LARGE1: variants seen among roughly 807,000 people sequenced by gnomAD.
LARGE1 encodes the protein LARGE xylosyl- and glucuronyltransferase 1, also known as xylosyl- and glucuronyltransferase LARGE1.
LARGE1 carries 43 observed loss-of-function variants against 87.6 expected under a neutral mutation model. The observed-to-expected ratio is 0.49, with a 90% CI of 0.38 to 0.63. The LOEUF is 0.63. LARGE1 is among the 30% of genes least tolerant of loss of function. LARGE1 has a pLI of 0.00. For synonymous variants in LARGE1, 434 were observed against 394.6 expected, an observed-to-expected ratio of 1.10 and a Z score of -1.18; for missense variants, 802 against 1,000.2, an observed-to-expected ratio of 0.80 and a Z score of 2.67.
At chr22:33,765,707 C>CAAA (rs33943950) in intron 1 of LARGE1, among the ~76,000 whole-genome samples, 8,079 of 67,970 alleles carry the variant, frequency 0.12, 776 homozygotes, top group South Asian at 0.19. Flanking sequence ...CTCCATCTCA[C>CAAA]AAAAAAAAAA....
chr22:33,902,104 G>A lies in LARGE1; in HGVS notation c.-83+17891C>T, dbSNP rs550748295. ...AGGCAGAACCTTAAAGATTAGCTCT[G>A]AGAATGAACAGAAATCATTCCAACA... On this transcript the variant is annotated intron_variant, in intron 1 of 14. Transcript: ENST00000397394. Among the ~76,000 whole-genome samples, 2 of 152,328 alleles carry A rather than the reference G, an allele frequency of 1.3e-5. 1 individual carries two copies. Among genetic ancestry groups the A allele is most frequent in the South Asian group, 4.1e-4 (2 of 4,830 alleles).
chr22:33,480,174 C>T lies in LARGE1; in HGVS notation c.788-47909G>A, dbSNP rs562996061. Among the ~76,000 whole-genome samples the T allele has an allele frequency of 1.5e-3, 233 of 152,260 alleles. 2 individuals are homozygous for T. Among genetic ancestry groups the T allele is most frequent in the African/African-American group, 5.3e-4 (22 of 41,546 alleles). ...CACAGAGAGTGAATGACAACCGAGG[C>T]GCAAGGAACAGGCACCCTGGACGGC... On this transcript the variant is annotated intron_variant, in intron 6 of 14. Coordinates refer to ENST00000397394, the MANE Select transcript of LARGE1 (RefSeq NM_133642.5).
intron 2 of LARGE1, among the ~76,000 whole-genome samples, chr22:33,719,153 G>A (rs992772825): frequency 3.3e-5 from 5 of 152,156 alleles, no homozygotes; most frequent in African/African-American, 1.2e-4. Context: ...ACAGCAAAAA[G>A]CTTACAGTGT....
At chr22:33,535,107 G>C (rs2077003338) in intron 6 of LARGE1, among the ~76,000 whole-genome samples, 1 of 152,242 alleles carries the variant, frequency 6.6e-6, no homozygotes, top group South Asian at 2.1e-4. Flanking sequence ...TCTGAGTAGA[G>C]GAGGGGCTGA....
At chr22:33,817,445 T>TCC (rs2086688255) in intron 1 of LARGE1, among the ~76,000 whole-genome samples, 1 of 150,738 alleles carries the variant, frequency 6.6e-6, no homozygotes, top group Admixed American at 6.6e-5. Context: ...TGTGTTTCTC[T>TCC]CTCTCTCTCT....
intron 11 of LARGE1, among the ~76,000 whole-genome samples, chr22:33,245,853 G>A (rs1217246764): frequency 6.6e-6 from 1 of 152,188 alleles, no homozygotes; most frequent in Non-Finnish European, 1.5e-5. Context: ...AGGTTGCAGT[G>A]AGCTGAGATT....
At chr22:33,192,906 C>G (rs571082713) in intron 11 of LARGE1, among the ~76,000 whole-genome samples, 278 of 152,276 alleles carry the variant, frequency 1.8e-3, no homozygotes, top group African/African-American at 6.4e-3. Context: ...TTTCCCAACA[C>G]CATTTATTGA....
intron 9 of LARGE1, among the ~76,000 whole-genome samples, chr22:33,355,052 T>C (rs761170349): frequency 2.6e-4 from 39 of 152,212 alleles, no homozygotes; most frequent in South Asian, 1.7e-3. Flanking sequence ...AGTAAAAATA[T>C]GTTTGCATTG....
At chr22:33,504,192 G>T (rs1231814495) in intron 6 of LARGE1, among the ~76,000 whole-genome samples, 4 of 152,308 alleles carry the variant, frequency 2.6e-5, no homozygotes, top group African/African-American at 9.6e-5. Flanking sequence ...TTTAAAGTTG[G>T]ATTGTGGTGA....
At chr22:33,254,172 G>GA (rs918213275) in intron 11 of LARGE1, among the ~76,000 whole-genome samples, 2 of 152,028 alleles carry the variant, frequency 1.3e-5, no homozygotes, top group Admixed American at 6.5e-5. Context: ...AGCTTATCAC[G>GA]AAAAAAAGAG....
chr22:33,274,591 T>C lies in LARGE1; in HGVS notation c.2107A>G (p.Met703Val). The change falls in exon 15 of 15, where the codon ATG (methionine) becomes GTG (valine). Residue 703 changes from methionine (M) to valine (V), a missense_variant. By Grantham distance (21) the Met-to-Val change is conservative. This residue lies in a region of LARGE1 where 625 missense variants were observed against 841.9 expected (regional missense o/e 0.74). Transcript: ENST00000397394. ...CTGGGGGCATGAGGCATGTGGATCA[T>C]GTAGGCGTTGGGCAGCACAATGAAC... ...YEFIVLPNAY[M>V]IHMPHAPSFD... 6.2e-7 allele frequency: 1 copy of C among 1,614,080 alleles called. No homozygotes were observed. The highest frequency in any genetic ancestry group is 8.5e-7 in the Non-Finnish European group (1 of 1,180,010).
intron 1 of LARGE1, among the ~76,000 whole-genome samples, chr22:33,859,638 AAATCCAGGTATGTTTT>A (rs1349559234): frequency 1.3e-5 from 2 of 152,340 alleles, no homozygotes; most frequent in Admixed American, 6.5e-5. Flanking sequence ...ACCGGGGCTT[AAATCCAGGTATGTTTT>A]CTTGGTCTTG....
intron 7 of LARGE1, among the ~76,000 whole-genome samples, chr22:33,404,253 G>C (rs1163170014): frequency 6.6e-6 from 1 of 152,176 alleles, no homozygotes; most frequent in African/African-American, 2.4e-5. Flanking sequence ...TGCTGATAAG[G>C]AGGAGGAACT....
the LARGE1 span, among the ~76,000 whole-genome samples, chr22:33,121,540 C>T: frequency 1.3e-5 from 2 of 152,142 alleles, no homozygotes; most frequent in Non-Finnish European, 1.5e-5. Context: ...AGGCACTTAA[C>T]TGTTTCTTAG....
At chr22:33,784,696 GA>G (rs2085540109) in intron 1 of LARGE1, among the ~76,000 whole-genome samples, 1 of 151,924 alleles carries the variant, frequency 6.6e-6, no homozygotes. Context: ...TGCACAAAAT[GA>G]ATCTTTATTT....
At chr22:33,084,341 A>G in the LARGE1 span, among the ~76,000 whole-genome samples, 8 of 152,104 alleles carry the variant, frequency 5.3e-5, no homozygotes, top group African/African-American at 1.7e-4. Flanking sequence ...ATTGATGTCT[A>G]TACCCTCATT....
chr22:33,392,491 T>C (rs929492318), intron 7 of LARGE1, among the ~76,000 whole-genome samples: 14 of 152,094 alleles, frequency 9.2e-5, no homozygotes, highest in Non-Finnish European at 2.1e-4. Flanking sequence ...AAACCCTGTC[T>C]CTACTAAAAA....
intron 7 of LARGE1, among the ~76,000 whole-genome samples, chr22:33,408,021 C>T (rs1190473916): frequency 1.3e-5 from 2 of 149,722 alleles, no homozygotes; most frequent in Non-Finnish European, 3.0e-5. Flanking sequence ...TTTTCTGTCG[C>T]CCAGGCTGGA....
At chr22:33,485,467 C>T (rs529364802) in intron 6 of LARGE1, among the ~76,000 whole-genome samples, 5 of 151,082 alleles carry the variant, frequency 3.3e-5, no homozygotes, top group East Asian at 2.0e-4. Context: ...GCCACCCCCT[C>T]GGCCTCCCAA....
Sources: gnomAD v4.1 joint callset for allele counts (sites outside exome capture counted in the v4.1 genomes callset) on GRCh38, gnomAD v4.1.1 for gene constraint, gnomAD v4.1.1 regional missense constraint, MANE v1.5 for transcripts, NCBI Gene and HGNC (gene_info 2026-07-23, HGNC 2026-07-21) for gene names.